The following TMPRSS11E variants were observed in gnomAD, a reference collection of about 807,000 sequenced individuals.
TMPRSS11E encodes the protein transmembrane protease serine 11E.
In TMPRSS11E, 38 loss-of-function variants were observed where a neutral mutation model predicts 48.1. The observed-to-expected ratio is 0.79, with a 90% CI of 0.61 to 1.04. The LOEUF (loss-of-function observed/expected upper bound fraction) is 1.04, where lower values mean the gene tolerates loss of function less well. Among genes scored for constraint, TMPRSS11E ranks in the 50% least tolerant of loss-of-function variants. The pLI is 0.00. For missense variants in TMPRSS11E, 530 were observed against 510.8 expected, an observed-to-expected ratio of 1.04 and a Z score of -0.36; for synonymous variants, 158 against 171.9, an observed-to-expected ratio of 0.92 and a Z score of 0.63.
At position 68,496,685 on chromosome 4, in the gene TMPRSS11E, AT is replaced by A. The variant is rs1560563711; in HGVS notation, c.1154del (p.Ile385ThrfsTer7). ...ACTGGTTAGTTCAGATGCTAGAGAT[AT>A]CTGGTACCTTGCTGGAATAGTGAGC... ...GPLVSSDARD[I>X]WYLAGIVSWG... On this transcript the variant is annotated frameshift_variant, in exon 10 of 10. Coordinates refer to ENST00000305363, the MANE Select transcript of TMPRSS11E (RefSeq NM_014058.4). LOFTEE classifies it high-confidence loss of function. 1.9e-6 allele frequency: 3 copies of A among 1,613,678 alleles called. No individual in the cohort carries two copies. In the East Asian group the frequency reaches 6.7e-5, roughly 36 times the overall value.
intron 1 of TMPRSS11E, among the ~76,000 whole-genome samples, chr4:68,454,706 G>A (rs979810300): frequency 6.6e-6 from 1 of 151,990 alleles, no homozygotes; most frequent in South Asian, 2.1e-4. Context: ...AGAATTCTTG[G>A]TGTATGGTTT....
At chr4:68,447,717 C>T (rs1728379474) in intron 1 of TMPRSS11E, among the ~76,000 whole-genome samples, 194 bp downstream of exon 1, 1 of 151,756 alleles carries the variant, frequency 6.6e-6, no homozygotes, top group South Asian at 2.1e-4. Flanking sequence ...TTCCTGTCCT[C>T]TTTTGTTGTA....
At chr4:68,449,864 T>C (rs976020312) in intron 1 of TMPRSS11E, among the ~76,000 whole-genome samples, 1 of 151,830 alleles carries the variant, frequency 6.6e-6, no homozygotes, top group Non-Finnish European at 1.5e-5. Context: ...CACCTTTCCC[T>C]TCAAGGGAGA....
chr4:68,493,142 CA>C (rs1157356112), intron 9 of TMPRSS11E, among the ~76,000 whole-genome samples: 2 of 151,702 alleles, frequency 1.3e-5, no homozygotes, highest in Non-Finnish European at 2.9e-5. Flanking sequence ...CAATGGTATG[CA>C]AAAATAGGGA....
chr4:68,457,449 G>A (rs933209063), intron 1 of TMPRSS11E, among the ~76,000 whole-genome samples: 26 of 152,116 alleles, frequency 1.7e-4, no homozygotes, highest in Admixed American at 6.5e-5. Flanking sequence ...ACTGTTGGTG[G>A]GAGTGTAAAT....
At chr4:68,480,755 A>G (rs1729378800) in intron 9 of TMPRSS11E, among the ~76,000 whole-genome samples, 3 of 152,106 alleles carry the variant, frequency 2.0e-5, no homozygotes, top group African/African-American at 4.8e-5. Context: ...TTGTTGTTAT[A>G]TCATGCTTTT....
rs183980557 is a variant in TMPRSS11E at position 68,457,192 on chromosome 4, C to T, written c.12-4629C>T. On this transcript the variant is annotated intron_variant, in intron 1 of 9. Transcript: ENST00000305363. ...GCTAATATGCAGAATCTACAAAGAA[C>T]TTAAATTTACAAGAAGAAAACAACC... Among the ~76,000 whole-genome samples the T allele has an allele frequency of 8.5e-4, 129 of 151,936 alleles. 1 individual carries two copies. Among genetic ancestry groups the T allele is most frequent in the Middle Eastern group, 3.4e-3 (1 of 294 alleles).
chr4:68,477,423 GAA>G lies in TMPRSS11E; in HGVS notation c.765_766del (p.Lys255AsnfsTer12). 1 of 1,613,930 alleles carries G rather than the reference GAA, an allele frequency of 6.2e-7. No homozygotes were observed. Among genetic ancestry groups the G allele is most frequent in the Non-Finnish European group, 8.5e-7 (1 of 1,179,940 alleles). On this transcript the variant is annotated frameshift_variant, in exon 8 of 10. Coordinates refer to ENST00000305363, the MANE Select transcript of TMPRSS11E (RefSeq NM_014058.4). LOFTEE classifies it high-confidence loss of function. ...ASFGVTIKPS[K>X]MKRGLRRIIV... ...CCTTTGGAGTAACAATAAAACCTTC[GAA>G]AATGAAACGGGGTCTCCGGAGAATA...
chr4:68,456,179 C>T (rs1183451075), intron 1 of TMPRSS11E, among the ~76,000 whole-genome samples: 3 of 152,056 alleles, frequency 2.0e-5, no homozygotes, highest in South Asian at 2.1e-4. Context: ...CTATTGATAT[C>T]ATATGCAATC....
At position 68,471,581 on chromosome 4, in the gene TMPRSS11E, G is replaced by C. The variant is rs1261060006; in HGVS notation, c.448G>C (p.Val150Leu). 3 of 1,609,218 alleles carry C rather than the reference G, an allele frequency of 1.9e-6. No homozygotes were observed. Among genetic ancestry groups the C allele is most frequent in the East Asian group, 4.5e-5 (2 of 44,710 alleles). The stretch of plus-strand genomic sequence containing the variant: ...TTTACATGAAAAGCTGCAAGATGCT[G>C]TAGGACCCCCTAAAGTAGATCCTCA... ...LVLHEKLQDA[V>L]GPPKVDPHSV... Residue 150 changes from valine to leucine, a missense_variant, in exon 5 of 10, where the codon GTA becomes CTA. Val to Leu is a conservative substitution (Grantham distance 32, BLOSUM62 1). Coordinates refer to ENST00000305363, the MANE Select transcript of TMPRSS11E (RefSeq NM_014058.4).
intron 7 of TMPRSS11E, 67 bp from the exon 8 acceptor site, chr4:68,477,302 T>C: frequency 1.4e-6 from 2 of 1,444,190 alleles, no homozygotes; most frequent in South Asian, 2.8e-5. Flanking sequence ...GACTAAATTA[T>C]TTAATATAAA....
intron 1 of TMPRSS11E, among the ~76,000 whole-genome samples, chr4:68,456,539 T>C (rs566181612): frequency 2.0e-5 from 3 of 152,202 alleles, no homozygotes; most frequent in African/African-American, 7.2e-5. Flanking sequence ...TGGATATTTT[T>C]ATAGTCCTGT....
At chr4:68,469,060 C>A in intron 4 of TMPRSS11E, 114 bp downstream of exon 4, 1 of 877,006 alleles carries the variant, frequency 1.1e-6, no homozygotes, top group Non-Finnish European at 1.9e-6. Context: ...AAACATTTGA[C>A]ACTTGTCCTG....
At chr4:68,462,767 G>A (rs2060992) in intron 2 of TMPRSS11E, among the ~76,000 whole-genome samples, 14,708 of 152,148 alleles carry the variant, frequency 0.097, 901 homozygotes, top group Non-Finnish European at 0.13. Context: ...ATATATTGTA[G>A]GTGATTAAAG....
chr4:68,476,571 G>A, intron 7 of TMPRSS11E, 133 bp downstream of exon 7: 3 of 884,310 alleles, frequency 3.4e-6, no homozygotes, highest in South Asian at 4.7e-5. Flanking sequence ...CAAAAGACTG[G>A]ATCATTTGTA....
chr4:68,490,062 G>A (rs1479089394), intron 9 of TMPRSS11E, among the ~76,000 whole-genome samples: 1 of 152,170 alleles, frequency 6.6e-6, no homozygotes, highest in Non-Finnish European at 1.5e-5. Flanking sequence ...GGAGGTCTGT[G>A]GTGTGAGTTG....
At chr4:68,449,223 T>C (rs1728429280) in intron 1 of TMPRSS11E, among the ~76,000 whole-genome samples, 1 of 150,930 alleles carries the variant, frequency 6.6e-6, no homozygotes, top group Non-Finnish European at 1.5e-5. Flanking sequence ...TATTTTGGAC[T>C]ATTCTTTGAG....
In TMPRSS11E at chr4:68,471,623, A is replaced by C; in HGVS notation, c.490A>C (p.Lys164Gln). 1 of 1,572,394 alleles carries C rather than the reference A, an allele frequency of 6.4e-7. No individual in the cohort carries two copies. Among genetic ancestry groups the C allele is most frequent in the Non-Finnish European group, 8.6e-7 (1 of 1,163,548 alleles). ...AGATCCTCACTCAGTTAAAATTAAA[A>C]GTAAGTTAATTTCTCTTATTTTTCT... ...KVDPHSVKIK[K>Q]INKTETDSYL... Residue 164 changes from lysine (K) to glutamine (Q), a missense_variant and splice_region_variant, in exon 5 of 10, where the codon AAA becomes CAA. Lys to Gln is a moderately conservative substitution (Grantham distance 53, BLOSUM62 1). Transcript: ENST00000305363.
At position 68,477,319 on chromosome 4, in the gene TMPRSS11E, G is replaced by A. The variant is rs760215949; in HGVS notation, c.708-50G>A. 10 of 1,516,322 alleles carry A rather than the reference G, an allele frequency of 6.6e-6. 1 individual carries two copies. The South Asian group carries it at 7.7e-5, about 12-fold the overall frequency. 93.9% of individuals were successfully genotyped at this position (1,516,322 alleles called of 1,614,324 possible). On this transcript the variant is annotated intron_variant, in intron 7 of 9. Transcript: ENST00000305363. Reference sequence around the variant, plus strand: ...CTAAATTATTTAATATAAATTATTCGACTGGTAGCATGGTAAAAAGAAATT... The same window carrying A: ...CTAAATTATTTAATATAAATTATTCAACTGGTAGCATGGTAAAAAGAAATT...
Sources: gnomAD v4.1 joint callset for allele counts (sites outside exome capture counted in the v4.1 genomes callset) on GRCh38, gnomAD v4.1.1 for gene constraint, MANE v1.5 for transcripts, NCBI Gene and HGNC (gene_info 2026-07-23, HGNC 2026-07-21) for gene names.